Variants in FGF14 observed in about 807,000 individuals in gnomAD.
The protein encoded by FGF14 is fibroblast growth factor homologous factor 4.
FGF14 carries 5 observed loss-of-function variants against 25.5 expected under a neutral mutation model. That is an observed-to-expected ratio of 0.20 (90% CI 0.10 to 0.41). The LOEUF (loss-of-function observed/expected upper bound fraction) is 0.41. FGF14 is among the 10% of genes least tolerant of loss of function. The pLI is 1.00. For synonymous variants in FGF14, 138 were observed against 118.3 expected, an observed-to-expected ratio of 1.17 and a Z score of -1.08; for missense variants, 222 against 320.1, an observed-to-expected ratio of 0.69 and a Z score of 2.34.
intron 1 of FGF14, among the ~76,000 whole-genome samples, chr13:102,325,326 CGTT>C (rs1555401419): frequency 1.3e-5 from 2 of 151,944 alleles, no homozygotes; most frequent in African/African-American, 2.4e-5. Context: ...TTTAGAAAAA[CGTT>C]GTGAAATTAT....
At chr13:102,116,180 A>G (rs2045463084) in intron 1 of FGF14, among the ~76,000 whole-genome samples, 1 of 152,210 alleles carries the variant, frequency 6.6e-6, no homozygotes, top group Non-Finnish European at 1.5e-5. Flanking sequence ...GATGGCTATT[A>G]TAATAATTTA....
rs77917035 is a variant in FGF14, at chr13:102,003,791, G to T, written c.209-128495C>A. On this transcript the variant is annotated intron_variant, in intron 1 of 4. Transcript: ENST00000376131. ...ACAGCTTTCTTCTGGTTTCAAAAAT[G>T]GCATCCTCTAGTTGGAACTAGTGGA... 5.0e-3 allele frequency among the ~76,000 whole-genome samples: 756 copies of T among 151,998 alleles called. 10 individuals carry two copies. Among genetic ancestry groups the T allele is most frequent in the African/African-American group, 0.017 (724 of 41,440 alleles).
At chr13:101,895,909 A>G (rs1244569735) in intron 1 of FGF14, among the ~76,000 whole-genome samples, 1 of 152,194 alleles carries the variant, frequency 6.6e-6, no homozygotes, top group African/African-American at 2.4e-5. Flanking sequence ...TGGAGTCTCA[A>G]AGCATCTGGT....
chr13:101,826,113 AAGT>A (rs1215706739), intron 3 of FGF14, among the ~76,000 whole-genome samples: 1 of 152,114 alleles, frequency 6.6e-6, no homozygotes, highest in East Asian at 1.9e-4. Context: ...TTTGGAAGGG[AAGT>A]AGAATAGAAA....
rs1291321781 is a variant in FGF14, at chr13:101,850,490, A to G, written c.408+18235T>C. On this transcript the variant is annotated intron_variant, in intron 3 of 4. Coordinates refer to ENST00000376143, the MANE Select transcript of FGF14 (RefSeq NM_004115.4). Reference sequence around the variant, plus strand: ...TATATATATATATATATATATATATATATATATATATATATATATATATAG... The same window carrying G: ...TATATATATATATATATATATATATGTATATATATATATATATATATATAG... Among the ~76,000 whole-genome samples the G allele has an allele frequency of 3.0e-4, 2 of 6,658 alleles. 1 individual carries two copies. The highest frequency in any genetic ancestry group is 1.3e-3 in the African/African-American group (2 of 1,598). 4.4% of individuals were successfully genotyped at this position (6,658 alleles called of 152,430 possible).
upstream of FGF14, among the ~76,000 whole-genome samples, chr13:101,918,133 G>T (rs942483440): frequency 5.9e-5 from 9 of 152,120 alleles, no homozygotes; most frequent in African/African-American, 2.2e-4. Context: ...TCCCGACAGC[G>T]GTTCCCTCCT....
At chr13:102,387,631 G>A (rs2058335053) in intron 1 of FGF14, among the ~76,000 whole-genome samples, 1 of 151,928 alleles carries the variant, frequency 6.6e-6, no homozygotes, top group Admixed American at 6.6e-5. Context: ...TTGTTATGTA[G>A]GTAAATAGTG....
At chr13:102,374,456 C>G (rs2057974918) in intron 1 of FGF14, among the ~76,000 whole-genome samples, 4 of 151,270 alleles carry the variant, frequency 2.6e-5, no homozygotes, top group East Asian at 1.9e-4. Context: ...TGTTTGCAGT[C>G]TAAGTGCATG....
intron 1 of FGF14, among the ~76,000 whole-genome samples, chr13:102,389,928 G>T (rs1400700880): frequency 6.6e-6 from 1 of 152,190 alleles, no homozygotes; most frequent in Non-Finnish European, 1.5e-5. Flanking sequence ...CAGCAGACTA[G>T]CAAGCTGGGT....
intron 1 of FGF14, among the ~76,000 whole-genome samples, chr13:101,893,419 T>C (rs372220378): frequency 1.1e-4 from 16 of 152,288 alleles, no homozygotes; most frequent in African/African-American, 3.8e-4. Flanking sequence ...GAGAGAACAA[T>C]GGCTCCCTGA....
chr13:102,350,511 T>C (rs915840593), intron 1 of FGF14, among the ~76,000 whole-genome samples: 4 of 152,176 alleles, frequency 2.6e-5, no homozygotes, highest in African/African-American at 9.7e-5. Flanking sequence ...GAAACTCTGA[T>C]GGGTCTTGTT....
At chr13:102,125,574 C>T (rs1157971808) in intron 1 of FGF14, among the ~76,000 whole-genome samples, 1 of 152,228 alleles carries the variant, frequency 6.6e-6, no homozygotes, top group Non-Finnish European at 1.5e-5. Flanking sequence ...TGGATACTAC[C>T]TATTCTTCTG....
Position 102,160,149 on chromosome 13 carries a change from G to A in FGF14, c.208+241322C>T, listed in dbSNP as rs147219449. ...TAAGAAGGGAAGGAAATAAGGGTAC[G>A]TTTTTGGTTCTTTCCTTGTTGTTCC... On this transcript the variant is annotated intron_variant, in intron 1 of 4. Coordinates refer to the FGF14 transcript ENST00000376131. Among the ~76,000 whole-genome samples, 67 of 152,256 alleles carry A rather than the reference G, an allele frequency of 4.4e-4. No individual in the cohort carries two copies. The East Asian group carries it at 0.01, about 23-fold the overall frequency.
chr13:102,065,350 T>G (rs540244590), intron 1 of FGF14, among the ~76,000 whole-genome samples: 1 of 152,202 alleles, frequency 6.6e-6, no homozygotes, highest in South Asian at 2.1e-4. Flanking sequence ...CCAATACACT[T>G]GGCTCTTCCA....
intron 3 of FGF14, among the ~76,000 whole-genome samples, chr13:101,817,201 A>C (rs1385943021): frequency 1.3e-5 from 2 of 152,230 alleles, no homozygotes; most frequent in African/African-American, 4.8e-5. Context: ...GCATCAGAAT[A>C]CTAGCAAAGC....
At chr13:102,190,700 G>A (rs1170396707) in intron 1 of FGF14, among the ~76,000 whole-genome samples, 1 of 152,128 alleles carries the variant, frequency 6.6e-6, no homozygotes, top group Non-Finnish European at 1.5e-5. Context: ...TTGAGTTGGG[G>A]TGTGGGGACA....
At chr13:101,968,141 A>T (rs2037333116) in intron 1 of FGF14, among the ~76,000 whole-genome samples, 2 of 152,242 alleles carry the variant, frequency 1.3e-5, no homozygotes, top group South Asian at 4.1e-4. Context: ...CTGTTACTCA[A>T]ATGAGTGAAA....
intron 3 of FGF14, among the ~76,000 whole-genome samples, chr13:101,758,322 A>ACCC (rs1198305962): frequency 4.6e-5 from 7 of 152,224 alleles, no homozygotes; most frequent in Non-Finnish European, 7.3e-5. Context: ...AAAGCTAGTT[A>ACCC]AAATGTAAGT....
chr13:102,041,595 A>AAAAAAAAGAG (rs1175485223), intron 1 of FGF14, among the ~76,000 whole-genome samples: 1 of 149,956 alleles, frequency 6.7e-6, no homozygotes, highest in African/African-American at 2.5e-5. Context: ...AAAAAAAAAA[A>AAAAAAAAGAG]AGAGAGATTT....
Sources: gnomAD v4.1 joint callset for allele counts (sites outside exome capture counted in the v4.1 genomes callset) on GRCh38, gnomAD v4.1.1 for gene constraint, MANE v1.5 for transcripts, NCBI Gene and HGNC (gene_info 2026-07-23, HGNC 2026-07-21) for gene names.